Variants in ARHGAP17 observed in about 807,000 individuals in gnomAD.
ARHGAP17 encodes rho GTPase-activating protein 17.
Under a neutral mutation model 99.5 loss-of-function variants are expected in ARHGAP17, and 57 were observed. The ratio of observed to expected loss-of-function variants is 0.57; its 90% CI spans 0.46 to 0.71. ARHGAP17 has a LOEUF of 0.71. ARHGAP17 is among the 30% of genes least tolerant of loss of function. The pLI is 0.00. For synonymous variants in ARHGAP17, 417 were observed against 429.6 expected (o/e 0.97, Z 0.36); for missense variants, 1,000 against 1,122.4 (o/e 0.89, Z 1.56).
chr16:24,976,374 T>A (rs1481172851), intron 3 of ARHGAP17, among the ~76,000 whole-genome samples: 1 of 151,840 alleles, frequency 6.6e-6, no homozygotes, highest in Non-Finnish European at 1.5e-5. Flanking sequence ...CAAAAAAATT[T>A]AAAAAATTAG....
At chr16:24,921,356 G>T (rs1238552015) in intron 19 of ARHGAP17, among the ~76,000 whole-genome samples, 1 of 152,224 alleles carries the variant, frequency 6.6e-6, no homozygotes, top group Non-Finnish European at 1.5e-5. Context: ...TGCGTTAGAG[G>T]TAGCCATGGC....
At chr16:24,963,786 T>G (rs2141286062) in intron 7 of ARHGAP17, among the ~76,000 whole-genome samples, 1 of 152,352 alleles carries the variant, frequency 6.6e-6, no homozygotes, top group East Asian at 1.9e-4. Context: ...TATATTAAAT[T>G]TTACATTATA....
In ARHGAP17 at chr16:24,931,385, T is replaced by C; in HGVS notation, c.1914A>G (p.Pro638=). 6.6e-7 allele frequency: 1 copy of C among 1,508,522 alleles called. No homozygotes were observed. The highest frequency in any genetic ancestry group is 8.8e-7 in the Non-Finnish European group (1 of 1,131,636). 93.4% of individuals were successfully genotyped at this position (1,508,522 alleles called of 1,614,324 possible). A position where few individuals can be genotyped will look rare whatever the true frequency, so the allele number is the denominator to read the frequency against. The stretch of plus-strand genomic sequence containing the variant: ...GTGGGTTGCCCGGTTTCGGGGGTGC[T>C]GGAGCGGGTTTTTTAACAGCTGCAC... ...TLRRAVKKPA[P]APPKPGNPPP... Residue 638 remains proline, a synonymous_variant, in exon 19 of 20, where the codon CCA becomes CCG. Transcript: ENST00000289968.
At chr16:24,953,994 T>C (rs1402437768) in intron 10 of ARHGAP17, among the ~76,000 whole-genome samples, 2 of 152,120 alleles carry the variant, frequency 1.3e-5, no homozygotes, top group Non-Finnish European at 2.9e-5. Flanking sequence ...CTATGATATG[T>C]ATGCTTTTCT....
chr16:24,949,977 T>A (rs530821682), intron 12 of ARHGAP17, among the ~76,000 whole-genome samples: 16 of 152,248 alleles, frequency 1.1e-4, no homozygotes, highest in Admixed American at 7.8e-4. Context: ...GTGAAGCAAC[T>A]GTAAGAGCTC....
At chr16:24,977,576 A>T (rs2052555981) in intron 2 of ARHGAP17, 1 of 327,340 alleles carries the variant, frequency 3.1e-6, no homozygotes, top group South Asian at 1.1e-4. Context: ...GAGATGCCAA[A>T]GAGCTCTCTC....
At chr16:25,011,966 T>G (rs1415765767) in intron 1 of ARHGAP17, among the ~76,000 whole-genome samples, 1 of 152,202 alleles carries the variant, frequency 6.6e-6, no homozygotes, top group Non-Finnish European at 1.5e-5. Flanking sequence ...TTTTGCTCTG[T>G]GCATTAGCCA....
intron 4 of ARHGAP17, among the ~76,000 whole-genome samples, chr16:24,968,978 G>A (rs1463391509): frequency 2.0e-5 from 3 of 152,230 alleles, no homozygotes; most frequent in African/African-American, 7.2e-5. Context: ...TCTCAGGGAT[G>A]CACTTTGTGT....
intron 1 of ARHGAP17, among the ~76,000 whole-genome samples, chr16:25,004,290 C>T (rs559365784): frequency 1.3e-5 from 2 of 152,280 alleles, no homozygotes; most frequent in South Asian, 2.1e-4. Flanking sequence ...TGATTGCTCA[C>T]GTTACATGCC....
At chr16:24,935,143 C>T (rs745564805) in intron 18 of ARHGAP17, among the ~76,000 whole-genome samples, 7 of 152,112 alleles carry the variant, frequency 4.6e-5, no homozygotes, top group Non-Finnish European at 1.0e-4. Flanking sequence ...CCTCCCAGAC[C>T]CACAAAGCTG....
intron 19 of ARHGAP17, among the ~76,000 whole-genome samples, chr16:24,924,977 T>C (rs1296851574): frequency 6.6e-6 from 1 of 152,114 alleles, no homozygotes. Flanking sequence ...CTAACCAGAG[T>C]GTTTAAGACC....
At chr16:24,947,717 G>C in intron 13 of ARHGAP17, 122 bp from the exon 14 acceptor site, 1 of 734,210 alleles carries the variant, frequency 1.4e-6, no homozygotes, top group Non-Finnish European at 2.3e-6. Flanking sequence ...TCCTAAATCA[G>C]AATCTGGCTC....
intron 1 of ARHGAP17, among the ~76,000 whole-genome samples, chr16:25,011,043 GT>G (rs1306273310): frequency 6.6e-6 from 1 of 152,124 alleles, no homozygotes; most frequent in Non-Finnish European, 1.5e-5. Flanking sequence ...TGATACTTCT[GT>G]AACTTCAAGG....
At chr16:24,999,006 CT>C (rs138657784) in intron 1 of ARHGAP17, among the ~76,000 whole-genome samples, 2,184 of 152,276 alleles carry the variant, frequency 0.014, 54 homozygotes, top group African/African-American at 0.05. Context: ...TGGCGAATGT[CT>C]TTCTGGACAA....
At chr16:24,922,091 C>A (rs2050733251) in intron 19 of ARHGAP17, among the ~76,000 whole-genome samples, 1 of 152,228 alleles carries the variant, frequency 6.6e-6, no homozygotes, top group Admixed American at 6.5e-5. Context: ...TCCATTCTTA[C>A]ATCCTCAGGC....
intron 9 of ARHGAP17, among the ~76,000 whole-genome samples, chr16:24,959,357 G>A (rs912819291): frequency 6.6e-6 from 1 of 152,180 alleles, no homozygotes; most frequent in Admixed American, 6.5e-5. Flanking sequence ...ATGTGGAAAA[G>A]GATCATTCAA....
intron 3 of ARHGAP17, among the ~76,000 whole-genome samples, chr16:24,975,349 A>G (rs918342503): frequency 6.6e-6 from 1 of 152,226 alleles, no homozygotes; most frequent in African/African-American, 2.4e-5. Flanking sequence ...GTTAGAAGCC[A>G]TAAGAACAGA....
At chr16:24,954,249 T>G (rs2051735745) in intron 10 of ARHGAP17, among the ~76,000 whole-genome samples, 1 of 152,048 alleles carries the variant, frequency 6.6e-6, no homozygotes, top group Non-Finnish European at 1.5e-5. Context: ...AAACTAAAGC[T>G]CCTTAGCCCA....
intron 1 of ARHGAP17, among the ~76,000 whole-genome samples, chr16:25,002,947 G>C (rs1036368060): frequency 4.9e-5 from 7 of 142,832 alleles, no homozygotes. Flanking sequence ...GCTGAAGCAG[G>C]AGAATCGCTT....
Sources: gnomAD v4.1 joint callset for allele counts (sites outside exome capture counted in the v4.1 genomes callset) on GRCh38, gnomAD v4.1.1 for gene constraint, MANE v1.5 for transcripts, NCBI Gene and HGNC (gene_info 2026-07-23, HGNC 2026-07-21) for gene names.